PLIN2: variants seen among roughly 807,000 people sequenced by gnomAD.
PLIN2 encodes perilipin 2, also known as perilipin-2.
A neutral mutation model predicts 30.6 loss-of-function variants in PLIN2; 33 were observed. The ratio of observed to expected loss-of-function variants is 1.08; its 90% CI spans 0.82 to 1.44. The LOEUF (loss-of-function observed/expected upper bound fraction) is 1.44. Among genes scored for constraint, PLIN2 ranks in the 40% most tolerant of loss-of-function variants. The pLI is 0.00. For synonymous variants in PLIN2, 205 were observed against 201.1 expected (o/e 1.02, Z -0.16); for missense variants, 610 against 531.8 (o/e 1.15, Z -1.45).
intron 4 of PLIN2, among the ~76,000 whole-genome samples, chr9:19,121,824 G>A (rs537526887): frequency 1.4e-4 from 21 of 152,300 alleles, no homozygotes; most frequent in African/African-American, 5.1e-4. Context: ...CCAGCTACTT[G>A]GGAGACTGAG....
At chr9:19,108,720 T>C (rs957116608) in exon 3 of PLIN2, 1 of 152,658 alleles carries the variant, frequency 6.6e-6, no homozygotes, top group Non-Finnish European at 1.5e-5. Context: ...GTCTCAGATG[T>C]CAAGTCTATG....
At position 19,119,635 on chromosome 9, in the gene PLIN2, T is replaced by C. The variant is rs1215583317; in HGVS notation, c.777+15A>G. The C allele has an allele frequency of 6.6e-6, 10 of 1,506,038 alleles. No homozygotes were observed. In the African/African-American group the frequency reaches 1.4e-4, roughly 21 times the overall value. 93.3% of individuals were successfully genotyped at this position (1,506,038 alleles called of 1,614,324 possible). On this transcript the variant is annotated intron_variant, in intron 6 of 7. Coordinates refer to ENST00000276914, the MANE Select transcript of PLIN2 (RefSeq NM_001122.4). ...TGAACCCACTTCAGACACCTTAAAA[T>C]AAAGTTTTACTCACCAGGTGAACAG...
downstream of PLIN2, among the ~76,000 whole-genome samples, chr9:19,111,701 A>G (rs1313052238): frequency 1.3e-5 from 2 of 152,206 alleles, no homozygotes; most frequent in Non-Finnish European, 2.9e-5. Flanking sequence ...AAAGGTAACC[A>G]AGAAAGATAC....
rs916234766 is a variant in PLIN2, at chr9:19,127,436, A to C, written c.-40T>G. ...GCACTCACCGACGGACTGCAGCGAA[A>C]GGCGAAGAGCAGGCGCGTCCCGAAG... On this transcript the variant is annotated 5_prime_UTR_variant, in exon 1 of 8. Transcript: ENST00000276914. This position sits in a 1 kb window ranked among gnomAD's most constrained non-coding sequence, Gnocchi z 4.3. 6.6e-6 allele frequency: 1 copy of C among 152,194 alleles called. No individual in the cohort carries two copies. The highest frequency in any genetic ancestry group is 2.4e-5 in the African/African-American group (1 of 41,436). 9.4% of individuals were successfully genotyped at this position (152,194 alleles called of 1,614,324 possible).
chr9:19,124,378 G>A (rs931303000), intron 3 of PLIN2, among the ~76,000 whole-genome samples: 5 of 151,892 alleles, frequency 3.3e-5, no homozygotes, highest in African/African-American at 7.3e-5. Context: ...GGGGTCCTCA[G>A]GAGGAAAGAG....
intron 6 of PLIN2, among the ~76,000 whole-genome samples, chr9:19,118,944 T>C (rs185021588): frequency 6.6e-6 from 1 of 152,312 alleles, no homozygotes; most frequent in Admixed American, 6.5e-5. Context: ...CCAACCACCT[T>C]GCCCTCCTAA....
chr9:19,126,162 C>G lies in PLIN2; in HGVS notation c.178G>C (p.Val60Leu). The change falls in exon 3 of 8, where the codon GTG (valine) becomes CTG (leucine). Residue 60 changes from valine to leucine, a missense_variant. Coordinates refer to ENST00000276914, the MANE Select transcript of PLIN2 (RefSeq NM_001122.4). ...AENGVKTITSVAMTSALPIIQ... is the reference protein window; with the variant it reads ...AENGVKTITSLAMTSALPIIQ... The stretch of plus-strand genomic sequence containing the variant: ...ATGGGCAGAGCACTGGTCATGGCCA[C>G]GGAGGTGATGGTCTTCACACCGTTC... 1.2e-6 allele frequency: 2 copies of G among 1,614,096 alleles called. No individual in the cohort carries two copies. Among genetic ancestry groups the G allele is most frequent in the Middle Eastern group, 1.6e-4 (1 of 6,062 alleles).
intron 5 of PLIN2, 55 bp from the exon 6 acceptor site, chr9:19,119,886 A>G: frequency 8.4e-7 from 1 of 1,196,352 alleles, no homozygotes; most frequent in East Asian, 2.4e-5. Flanking sequence ...GACAAGTGAT[A>G]AGGCCTGGAC....
In PLIN2 at chr9:19,126,299, G is replaced by C. The variant is rs759646495; in HGVS notation, c.41C>G (p.Thr14Ser). 1.2e-6 allele frequency: 2 copies of C among 1,613,778 alleles called. No individual in the cohort carries two copies. The highest frequency in any genetic ancestry group is 1.7e-6 in the Non-Finnish European group (2 of 1,179,740). Residue 14 changes from threonine to serine, a missense_variant, in exon 3 of 8, where the codon ACT becomes AGT. Transcript: ENST00000276914. ...VAVDPQPSVV[T>S]RVVNLPLVSS... ...CACCAAGGGCAGGTTGACCACCCGA[G>C]TCACCACACTCTGCAATCAAAGTAG...
intron 5 of PLIN2, among the ~76,000 whole-genome samples, chr9:19,120,399 T>C (rs184408198): frequency 6.5e-4 from 99 of 152,294 alleles, no homozygotes; most frequent in African/African-American, 2.3e-3. Context: ...CATTACCTAA[T>C]GATGATTCTT....
At chr9:19,124,591 G>A (rs953359683) in intron 3 of PLIN2, among the ~76,000 whole-genome samples, 7 of 152,198 alleles carry the variant, frequency 4.6e-5, no homozygotes, top group South Asian at 4.1e-4. Context: ...TTCAAAAGCA[G>A]TTCATGTTGT....
chr9:19,121,230 C>T (rs1255895225), intron 4 of PLIN2, 65 bp from the exon 5 acceptor site: 4 of 1,418,236 alleles, frequency 2.8e-6, no homozygotes, highest in Non-Finnish European at 3.9e-6. Flanking sequence ...TACCTAAGGT[C>T]TTAACTAAGG....
Position 19,115,922 on chromosome 9 carries a change from C to G in PLIN2, c.*326G>C, listed in dbSNP as rs114680185. 676 of 194,986 alleles carry G rather than the reference C, an allele frequency of 3.5e-3. 7 individuals are homozygous for G. Among genetic ancestry groups the G allele is most frequent in the African/African-American group, 0.015 (640 of 42,884 alleles). The allele number at this position is 194,986 out of a possible 1,614,324, so 12.1% of individuals were successfully genotyped here. On this transcript the variant is annotated 3_prime_UTR_variant, in exon 8 of 8. Transcript: ENST00000276914. ...GAGCAGACACCAGTTTCTACCCCAG[C>G]CCACATGAAGATGTTTTTATTCAAT...
chr9:19,122,153 T>C lies in PLIN2; in HGVS notation c.310-988A>G, dbSNP rs925925001. 3.4e-5 allele frequency among the ~76,000 whole-genome samples: 5 copies of C among 145,592 alleles called. No homozygotes were observed. The South Asian group carries it at 1.1e-3, about 32-fold the overall frequency. On this transcript the variant is annotated intron_variant, in intron 4 of 7. Transcript: ENST00000276914. Reference sequence around the variant, plus strand: ...AAAAAAAGAACACAAGTTACCAACATTTAAAGAAAATATCCGAAATGGAAA... The same window carrying C: ...AAAAAAAGAACACAAGTTACCAACACTTAAAGAAAATATCCGAAATGGAAA...
chr9:19,126,094 C>A lies in PLIN2; in HGVS notation c.226+20G>T. The A allele has an allele frequency of 6.2e-7, 1 of 1,608,976 alleles. No individual in the cohort carries two copies. Among genetic ancestry groups the A allele is most frequent in the Non-Finnish European group, 8.5e-7 (1 of 1,176,216 alleles). ...CACTGACCAGTCCCTTGACTTGCAT[C>A]TTGAAAAATCAGAACTCACTTTGCG... On this transcript the variant is annotated intron_variant, in intron 3 of 7. Transcript: ENST00000276914.
chr9:19,124,211 C>G (rs1818363253), intron 3 of PLIN2, among the ~76,000 whole-genome samples: 1 of 152,040 alleles, frequency 6.6e-6, no homozygotes, highest in Admixed American at 6.6e-5. Flanking sequence ...GAAGCTTCTT[C>G]CTTATCAACT....
intron 4 of PLIN2, among the ~76,000 whole-genome samples, chr9:19,123,004 T>G (rs1818343789): frequency 6.6e-6 from 1 of 152,214 alleles, no homozygotes; most frequent in African/African-American, 2.4e-5. Context: ...TTCCCATCAC[T>G]AAGTGACAGA....
chr9:19,112,672 C>A (rs151108658), downstream of PLIN2, among the ~76,000 whole-genome samples: 453 of 142,318 alleles, frequency 3.2e-3, 3 homozygotes, highest in African/African-American at 0.011. Context: ...CACCACTGCA[C>A]TATTGCCTGA....
downstream of PLIN2, among the ~76,000 whole-genome samples, chr9:19,111,096 C>T (rs1304725025): frequency 2.0e-5 from 3 of 151,556 alleles, no homozygotes; most frequent in African/African-American, 4.9e-5. Context: ...CTCGCTCTGT[C>T]GCCCAAGCTG....
Sources: allele counts gnomAD v4.1 joint callset (sites outside exome capture counted in the v4.1 genomes callset), GRCh38; gene constraint gnomAD v4.1.1; non-coding constraint Gnocchi (gnomAD v3.1); transcripts MANE v1.5; gene names NCBI Gene and HGNC (gene_info 2026-07-23, HGNC 2026-07-21).